UNC13B: variants seen among roughly 807,000 people sequenced by gnomAD.
UNC13B encodes the protein protein unc-13 homolog B.
Under a neutral mutation model 211.0 loss-of-function variants are expected in UNC13B, and 144 were observed. That is an observed-to-expected ratio of 0.68 (90% CI 0.60 to 0.78). The LOEUF is 0.78. Ranked by LOEUF, UNC13B falls within the 30% of genes least tolerant of loss-of-function variation. The pLI is 0.00. For missense variants in UNC13B, 1,777 were observed against 2,002.0 expected (o/e 0.89, Z 2.14); for synonymous variants, 709 against 725.8 (o/e 0.98, Z 0.37).
At chr9:35,331,305 G>C (rs951788530) in intron 11 of UNC13B, among the ~76,000 whole-genome samples, 5 of 152,216 alleles carry the variant, frequency 3.3e-5, no homozygotes, top group African/African-American at 1.2e-4. Flanking sequence ...CTGCAGTGTA[G>C]TGGCGTGATC....
At chr9:35,388,503 C>A (rs1388009615) in intron 24 of UNC13B, among the ~76,000 whole-genome samples, 3 of 152,226 alleles carry the variant, frequency 2.0e-5, no homozygotes, top group African/African-American at 7.2e-5. Context: ...GGGATCAAAT[C>A]TTAGTTCTGC....
intron 1 of UNC13B, among the ~76,000 whole-genome samples, chr9:35,223,544 T>G (rs940593939): frequency 5.3e-5 from 8 of 151,980 alleles, no homozygotes; most frequent in African/African-American, 1.9e-4. Flanking sequence ...TTTTTTTTGC[T>G]CTTGATTTGA....
chr9:35,192,835 G>A (rs1822730989), intron 1 of UNC13B, among the ~76,000 whole-genome samples: 1 of 152,228 alleles, frequency 6.6e-6, no homozygotes, highest in African/African-American at 2.4e-5. Context: ...AGCTGAAGAT[G>A]ATCTGTTACC....
At chr9:35,338,951 A>G (rs1228420094) in intron 11 of UNC13B, among the ~76,000 whole-genome samples, 4 of 151,958 alleles carry the variant, frequency 2.6e-5, no homozygotes, top group Admixed American at 6.5e-5. Flanking sequence ...CTGTGACACC[A>G]CTCAGTTGCT....
intron 22 of UNC13B, 112 bp downstream of exon 22, chr9:35,384,426 C>T: frequency 4.0e-6 from 6 of 1,488,920 alleles, no homozygotes; most frequent in Non-Finnish European, 5.4e-6. Context: ...TGGTCTGTGT[C>T]ATCACATCCA....
chr9:35,377,129 C>G (rs1410294941), intron 15 of UNC13B, among the ~76,000 whole-genome samples: 1 of 152,148 alleles, frequency 6.6e-6, no homozygotes, highest in Non-Finnish European at 1.5e-5. Flanking sequence ...CAGGGAGAGG[C>G]CTTGAGCAAT....
intron 1 of UNC13B, among the ~76,000 whole-genome samples, chr9:35,176,311 G>C (rs1821631937): frequency 6.6e-6 from 1 of 152,024 alleles, no homozygotes; most frequent in Non-Finnish European, 1.5e-5. Context: ...ATTTTGGGAG[G>C]CTGAGGCGGG....
intron 6 of UNC13B, among the ~76,000 whole-genome samples, chr9:35,247,144 GCTCT>G (rs1262513763): frequency 6.6e-6 from 1 of 151,962 alleles, no homozygotes. Context: ...TCATGATTTG[GCTCT>G]CTGTTTGTCT....
At chr9:35,378,493 C>T in intron 17 of UNC13B, 57 bp downstream of exon 17, 3 of 1,599,022 alleles carry the variant, frequency 1.9e-6, no homozygotes, top group Non-Finnish European at 2.6e-6. Context: ...GGAGCAGGAT[C>T]ACATCCTGCC....
chr9:35,163,671 TGAAA>T (rs1181129214), intron 1 of UNC13B, among the ~76,000 whole-genome samples: 4 of 152,254 alleles, frequency 2.6e-5, no homozygotes, highest in Non-Finnish European at 5.9e-5. Context: ...CTGGTCCTTA[TGAAA>T]GACTCTTTAG....
In UNC13B at chr9:35,396,837, G is replaced by T; in HGVS notation, c.11436-4G>T. On this transcript the variant is annotated splice_region_variant and splice_polypyrimidine_tract_variant and intron_variant, in intron 27 of 39. Transcript: ENST00000635942. ...AAGCCCCTGTTCTCCTGCTGTGGCT[G>T]CAGGTGGTTTGAGCAGTTCGTGCTA... 6.2e-7 allele frequency: 1 copy of T among 1,614,210 alleles called. No individual in the cohort carries two copies. Among genetic ancestry groups the T allele is most frequent in the Non-Finnish European group, 8.5e-7 (1 of 1,180,028 alleles).
chr9:35,402,088 G>C (rs1228600316), intron 37 of UNC13B: 3 of 1,358,658 alleles, frequency 2.2e-6, no homozygotes, highest in African/African-American at 2.9e-5. Context: ...ACTCGTGCTG[G>C]GGGTGGGGGA....
rs756217750 is a variant in UNC13B, at chr9:35,398,874, A to G, written c.11922-8A>G. The G allele has an allele frequency of 6.2e-7, 1 of 1,612,446 alleles. No homozygotes were observed. Among genetic ancestry groups the G allele is most frequent in the Non-Finnish European group, 8.5e-7 (1 of 1,178,820 alleles). On this transcript the variant is annotated splice_polypyrimidine_tract_variant and splice_region_variant and intron_variant, in intron 32 of 39. Transcript: ENST00000635942. Reference sequence around the variant, plus strand: ...GAGGGAAAGGCTACACTGCGGGCACATGTGTAGTTTCCAGGTACGGATTGA... The same window carrying G: ...GAGGGAAAGGCTACACTGCGGGCACGTGTGTAGTTTCCAGGTACGGATTGA...
chr9:35,290,163 C>G (rs1231091435), intron 7 of UNC13B, among the ~76,000 whole-genome samples: 1 of 151,960 alleles, frequency 6.6e-6, no homozygotes, highest in African/African-American at 2.4e-5. Flanking sequence ...TTTCAATTTT[C>G]TCCTGTCCTT....
chr9:35,172,845 T>C (rs560251411), intron 1 of UNC13B, among the ~76,000 whole-genome samples: 13 of 152,094 alleles, frequency 8.5e-5, no homozygotes, highest in African/African-American at 3.1e-4. Flanking sequence ...TGTGCTAAGG[T>C]GTAAGGTCTA....
At chr9:35,348,680 T>G (rs1256779097) in intron 11 of UNC13B, among the ~76,000 whole-genome samples, 1 of 152,202 alleles carries the variant, frequency 6.6e-6, no homozygotes, top group East Asian at 1.9e-4. Flanking sequence ...GGACAGTGCT[T>G]TACAGTTTAG....
intron 11 of UNC13B, among the ~76,000 whole-genome samples, chr9:35,363,867 T>C (rs1833593195): frequency 6.6e-6 from 1 of 152,194 alleles, no homozygotes; most frequent in African/African-American, 2.4e-5. Flanking sequence ...AGATTTGGGA[T>C]TGCAGTCATG....
chr9:35,332,408 A>G (rs759523030), intron 11 of UNC13B, among the ~76,000 whole-genome samples: 3 of 151,892 alleles, frequency 2.0e-5, no homozygotes, highest in Non-Finnish European at 4.4e-5. Flanking sequence ...TTTGTTCTCT[A>G]TTTATATTAA....
chr9:35,295,571 C>T (rs1316018739), intron 7 of UNC13B, 125 bp from the exon 8 acceptor site: 5 of 805,840 alleles, frequency 6.2e-6, no homozygotes, highest in African/African-American at 1.7e-5. Flanking sequence ...TCACTGGGCT[C>T]ATGTGAAGCT....
Sources: gnomAD v4.1 joint callset for allele counts (sites outside exome capture counted in the v4.1 genomes callset) on GRCh38, gnomAD v4.1.1 for gene constraint, MANE v1.5 for transcripts, NCBI Gene and HGNC (gene_info 2026-07-23, HGNC 2026-07-21) for gene names.